Variants in DGKH observed in about 807,000 individuals in gnomAD.
The protein encoded by DGKH is DAG kinase eta.
A neutral mutation model predicts 159.3 loss-of-function variants in DGKH; 90 were observed. The observed-to-expected ratio is 0.57, with a 90% CI of 0.48 to 0.67. DGKH has a LOEUF of 0.67. Ranked by LOEUF, DGKH falls within the 30% of genes least tolerant of loss-of-function variation. The pLI is 0.00. For missense variants in DGKH, 1,181 were observed against 1,506.1 expected (o/e 0.78, Z 3.57); for synonymous variants, 536 against 553.8 (o/e 0.97, Z 0.45).
chr13:42,152,644 G>A (rs759194126), intron 3 of DGKH, among the ~76,000 whole-genome samples: 1 of 120,728 alleles, frequency 8.3e-6, no homozygotes, highest in Non-Finnish European at 2.0e-5. Context: ...GGGCACAGCT[G>A]CACAGGGACC....
At chr13:42,150,517 G>C (rs1955852251) in intron 3 of DGKH, among the ~76,000 whole-genome samples, 1 of 152,210 alleles carries the variant, frequency 6.6e-6, no homozygotes, top group Non-Finnish European at 1.5e-5. Flanking sequence ...TGGTGAATAT[G>C]ATCATATTGA....
At chr13:42,206,975 T>TTTTCTTTTTCTTTCTTTC (rs1555275937) in intron 21 of DGKH, among the ~76,000 whole-genome samples, 2,099 of 82,400 alleles carry the variant, frequency 0.025, 182 homozygotes, top group Admixed American at 0.036. Flanking sequence ...TACTTTTACT[T>TTTTCTTTTTCTTTCTTTC]TTTCTTTCTT....
intron 11 of DGKH, among the ~76,000 whole-genome samples, chr13:42,170,681 G>A (rs747632275): frequency 1.3e-5 from 2 of 152,040 alleles, no homozygotes. Flanking sequence ...AGTGGCTCAC[G>A]CCTGTAATCC....
At chr13:42,249,685 C>T (rs566963800) in intron 29 of DGKH, among the ~76,000 whole-genome samples, 4 of 152,164 alleles carry the variant, frequency 2.6e-5, no homozygotes, top group Non-Finnish European at 5.9e-5. Context: ...GATGTTGGCA[C>T]ATCCCTACAC....
intron 1 of DGKH, among the ~76,000 whole-genome samples, chr13:42,113,587 T>A (rs1954908872): frequency 6.6e-6 from 1 of 151,400 alleles, no homozygotes; most frequent in Non-Finnish European, 1.5e-5. Flanking sequence ...AAGCCAAGAG[T>A]CTGGAGTCAA....
At chr13:42,056,765 T>G (rs1442391718) in intron 1 of DGKH, among the ~76,000 whole-genome samples, 1 of 152,156 alleles carries the variant, frequency 6.6e-6, no homozygotes, top group Non-Finnish European at 1.5e-5. Context: ...CATGTGTGTG[T>G]GCAGGCAGAC....
intron 1 of DGKH, among the ~76,000 whole-genome samples, chr13:42,094,890 T>C (rs1394563771): frequency 6.6e-6 from 1 of 152,148 alleles, no homozygotes; most frequent in African/African-American, 2.4e-5. Flanking sequence ...AAAGAAAACC[T>C]GTAGAAAGGT....
In DGKH at chr13:42,119,072, T is replaced by C. The variant is rs750793735; in HGVS notation, c.193-8391T>C. 2.6e-5 allele frequency among the ~76,000 whole-genome samples: 4 copies of C among 152,310 alleles called. No homozygotes were observed. In the South Asian group the frequency reaches 8.3e-4, roughly 32 times the overall value. On this transcript the variant is annotated intron_variant, in intron 1 of 29. Coordinates refer to ENST00000337343, the MANE Select transcript of DGKH (RefSeq NM_178009.5). Reference sequence around the variant, plus strand: ...GCCAAGATGTATTTTTATAGCACTTTAATGTTCTGTGTTTGGGTTTAGGAA... The same window carrying C: ...GCCAAGATGTATTTTTATAGCACTTCAATGTTCTGTGTTTGGGTTTAGGAA...
At chr13:42,192,054 T>C (rs1957084071) in intron 16 of DGKH, among the ~76,000 whole-genome samples, 2 of 152,210 alleles carry the variant, frequency 1.3e-5, no homozygotes, top group Non-Finnish European at 2.9e-5. Flanking sequence ...TAGAATAGTG[T>C]CTGGTAGATA....
At chr13:42,115,889 A>G (rs369873044) in intron 1 of DGKH, among the ~76,000 whole-genome samples, 2 of 152,312 alleles carry the variant, frequency 1.3e-5, no homozygotes, top group African/African-American at 4.8e-5. Flanking sequence ...GCACCTAGTA[A>G]ACTATTGAGT....
intron 29 of DGKH, 53 bp from the exon 30 acceptor site, chr13:42,229,046 G>A (rs1383262554): frequency 6.7e-7 from 1 of 1,488,258 alleles, no homozygotes; most frequent in Non-Finnish European, 9.1e-7. Flanking sequence ...TTCTTTCTGT[G>A]TTTTTTCTTT....
upstream of DGKH, among the ~76,000 whole-genome samples, chr13:42,048,003 C>T (rs1880918381): frequency 6.6e-6 from 1 of 150,418 alleles, no homozygotes; most frequent in Middle Eastern, 3.4e-3. This position sits in a 1 kb window ranked among gnomAD's most constrained non-coding sequence, Gnocchi z 6.7. Context: ...ATGCTCTTCT[C>T]TTCCGTGTGC....
At chr13:42,165,965 G>A (rs1020291858) in intron 8 of DGKH, among the ~76,000 whole-genome samples, 1 of 152,018 alleles carries the variant, frequency 6.6e-6, no homozygotes. Context: ...TTTTTACCAT[G>A]TATAATGCTA....
Position 42,202,762 on chromosome 13 carries a change from A to G in DGKH, c.2493+2853A>G, listed in dbSNP as rs1052963881. Among the ~76,000 whole-genome samples the G allele has an allele frequency of 6.2e-4, 95 of 152,338 alleles. 1 individual carries two copies. The highest frequency in any genetic ancestry group is 2.1e-3 in the African/African-American group (87 of 41,568). ...GAAATGTAAATAACGTCACAGTATC[A>G]TATTTTGCTACTTTTAGAGTAGAAA... On this transcript the variant is annotated intron_variant, in intron 20 of 29. Transcript: ENST00000337343.
At chr13:42,192,621 TTC>T (rs1594180486) in intron 16 of DGKH, among the ~76,000 whole-genome samples, 1 of 146,682 alleles carries the variant, frequency 6.8e-6, no homozygotes, top group African/African-American at 2.4e-5. Flanking sequence ...CTTCTTTTCT[TTC>T]TTCTTTCTTC....
At chr13:42,081,613 A>G (rs1954201951) in intron 1 of DGKH, among the ~76,000 whole-genome samples, 1 of 152,220 alleles carries the variant, frequency 6.6e-6, no homozygotes, top group Non-Finnish European at 1.5e-5. Flanking sequence ...TATATAAGCC[A>G]TTAGAATTAT....
intron 21 of DGKH, among the ~76,000 whole-genome samples, chr13:42,207,025 T>TTCTTTC (rs376338046): frequency 1.3e-4 from 6 of 44,942 alleles, no homozygotes; most frequent in South Asian, 9.2e-4. Flanking sequence ...CTTTCTTTCT[T>TTCTTTC]TTTCTTTCTT....
chr13:42,069,088 A>G (rs1882784871), intron 1 of DGKH: 3 of 1,409,206 alleles, frequency 2.1e-6, no homozygotes, highest in South Asian at 2.3e-5. Flanking sequence ...GCTGCTTATT[A>G]AAGAGGAACT....
chr13:42,169,670 T>C (rs930270246), intron 11 of DGKH, among the ~76,000 whole-genome samples: 2 of 152,188 alleles, frequency 1.3e-5, no homozygotes, highest in African/African-American at 4.8e-5. Flanking sequence ...GAGCCACCAA[T>C]CTGAAATGTA....
Sources: gnomAD v4.1 joint callset for allele counts (sites outside exome capture counted in the v4.1 genomes callset) on GRCh38, gnomAD v4.1.1 for gene constraint, Gnocchi (gnomAD v3.1) non-coding constraint, MANE v1.5 for transcripts, NCBI Gene and HGNC (gene_info 2026-07-23, HGNC 2026-07-21) for gene names.